Variants in FAM186A observed in about 807,000 individuals in gnomAD.
FAM186A encodes family with sequence similarity 186 member A, also known as protein FAM186A.
A neutral mutation model predicts 216.8 loss-of-function variants in FAM186A; 163 were observed. The observed-to-expected ratio is 0.75, with a 90% CI of 0.66 to 0.86. The LOEUF (loss-of-function observed/expected upper bound fraction) is 0.86. FAM186A is among the 40% of genes least tolerant of loss of function. FAM186A has a pLI of 0.00. For synonymous variants in FAM186A, 805 were observed against 1,025.3 expected (o/e 0.79, Z 4.10); for missense variants, 2,184 against 2,746.2 (o/e 0.80, Z 4.58).
intron 4 of FAM186A, among the ~76,000 whole-genome samples, chr12:50,341,599 G>T (rs993338400): frequency 4.6e-5 from 7 of 152,158 alleles, no homozygotes; most frequent in Non-Finnish European, 2.9e-5. Flanking sequence ...CACTTTGGGA[G>T]GCCAAGGTGG....
intron 1 of FAM186A, among the ~76,000 whole-genome samples, chr12:50,365,158 C>CAAGAAAAT (rs1943076159): frequency 6.6e-6 from 1 of 151,714 alleles, no homozygotes; most frequent in Admixed American, 6.6e-5. Context: ...AAAATTTCTC[C>CAAGAAAAT]AAGAAAATTT....
At chr12:50,368,367 T>TC (rs963309860) in intron 1 of FAM186A, among the ~76,000 whole-genome samples, 3 of 151,908 alleles carry the variant, frequency 2.0e-5, no homozygotes, top group African/African-American at 7.3e-5. Flanking sequence ...GCCACTGCAT[T>TC]CCAGCCTGGG....
chr12:50,341,488 CA>C (rs1276879842), intron 4 of FAM186A, among the ~76,000 whole-genome samples: 5 of 152,110 alleles, frequency 3.3e-5, no homozygotes, highest in African/African-American at 7.2e-5. Context: ...TGAGACAGGT[CA>C]GATTATGCTA....
At chr12:50,346,249 G>GAAAGAAAGAAAGAAAGAAAGAAAT (rs1592603875) in intron 4 of FAM186A, among the ~76,000 whole-genome samples, 3 of 149,920 alleles carry the variant, frequency 2.0e-5, no homozygotes, top group Non-Finnish European at 3.0e-5. Flanking sequence ...AAGAAAGAAA[G>GAAAGAAAGAAAGAAAGAAAGAAAT]AAAGAAAGAA....
In FAM186A at chr12:50,351,896, C is replaced by T. The variant is rs1329935959; in HGVS notation, c.4936G>A (p.Ala1646Thr). Residue 1646 changes from alanine (A) to threonine (T), a missense_variant, in exon 4 of 8, where the codon GCA becomes ACA. Ala to Thr is a moderately conservative substitution (Grantham distance 58). Transcript: ENST00000327337. ...GITLTPQQAQ[A>T]LGVPITPVNA... is the part of the protein sequence containing the mutation. ...ACTGGGGTGATGGGGACTCCCAGTG[C>T]CTGGGCCTGCTGAGGGGTGAGAGTG... 4 of 1,540,714 alleles carry T rather than the reference C, an allele frequency of 2.6e-6. No homozygotes were observed. The highest frequency in any genetic ancestry group is 1.4e-5 in the African/African-American group (1 of 72,546).
intron 6 of FAM186A, among the ~76,000 whole-genome samples, chr12:50,331,384 C>T (rs1241427736): frequency 6.6e-6 from 1 of 152,124 alleles, no homozygotes; most frequent in Non-Finnish European, 1.5e-5. Context: ...GGATTACAGG[C>T]ATGCACCACT....
At chr12:50,388,415 C>T (rs10876030) in intron 1 of FAM186A, among the ~76,000 whole-genome samples, 105,695 of 151,946 alleles carry the variant, frequency 0.7, 43,782 homozygotes, top group Non-Finnish European at 0.93. Context: ...GTCAGGAGTT[C>T]GAGACTAGCC....
chr12:50,387,758 T>C (rs941824347), intron 1 of FAM186A, among the ~76,000 whole-genome samples: 13 of 152,338 alleles, frequency 8.5e-5, no homozygotes, highest in Admixed American at 7.8e-4. Flanking sequence ...AATCGCCCTC[T>C]TGAACATGTC....
intron 1 of FAM186A, among the ~76,000 whole-genome samples, chr12:50,367,787 C>T (rs894106090): frequency 2.0e-5 from 3 of 152,058 alleles, no homozygotes; most frequent in Non-Finnish European, 4.4e-5. Context: ...ACTTTGCTAA[C>T]TACACTAACA....
chr12:50,359,573 T>C (rs532111650), intron 3 of FAM186A, among the ~76,000 whole-genome samples: 2 of 151,942 alleles, frequency 1.3e-5, no homozygotes, highest in South Asian at 4.2e-4. Flanking sequence ...CCTAGCTATC[T>C]ACCCCCCCAA....
intron 1 of FAM186A, among the ~76,000 whole-genome samples, chr12:50,383,934 A>C (rs1360575631): frequency 6.6e-6 from 1 of 152,094 alleles, no homozygotes; most frequent in Non-Finnish European, 1.5e-5. Context: ...CCTGGCTAAC[A>C]TGGTGAGACC....
chr12:50,375,943 A>G (rs1171241409), intron 1 of FAM186A, among the ~76,000 whole-genome samples: 1 of 151,946 alleles, frequency 6.6e-6, no homozygotes, highest in Non-Finnish European at 1.5e-5. Flanking sequence ...TGAGCCAGGC[A>G]TGGAGCACCG....
At position 50,338,068 on chromosome 12, in the gene FAM186A, C is replaced by T. The variant is rs754822962; in HGVS notation, c.6504-3965G>A. Among the ~76,000 whole-genome samples, 3 of 152,056 alleles carry T rather than the reference C, an allele frequency of 2.0e-5. 1 individual carries two copies. Among genetic ancestry groups the T allele is most frequent in the Non-Finnish European group, 4.4e-5 (3 of 68,014 alleles). ...CACTTACGTTGATAAAACATTGCCC[C>T]GTCCTAAGGAATATTGATTTTTAGA... is the stretch of plus-strand genomic sequence containing the variant. On this transcript the variant is annotated intron_variant, in intron 4 of 7. Transcript: ENST00000327337.
At chr12:50,369,055 T>TA (rs1263748218) in intron 1 of FAM186A, among the ~76,000 whole-genome samples, 1 of 150,350 alleles carries the variant, frequency 6.7e-6, no homozygotes, top group Non-Finnish European at 1.5e-5. Context: ...TTATATCATA[T>TA]AAAAAATTAA....
intron 1 of FAM186A, among the ~76,000 whole-genome samples, chr12:50,382,134 G>A (rs79865322): frequency 0.01 from 1,555 of 150,998 alleles, 29 homozygotes; most frequent in African/African-American, 0.036. Context: ...GTTAACAGAT[G>A]ACATGTTACT....
chr12:50,389,150 G>A (rs189265129), intron 1 of FAM186A, among the ~76,000 whole-genome samples: 10 of 152,164 alleles, frequency 6.6e-5, no homozygotes, highest in Admixed American at 5.3e-4. Context: ...AGGAACACTT[G>A]ACTTCAAGAG....
intron 1 of FAM186A, among the ~76,000 whole-genome samples, chr12:50,372,916 A>G (rs1376394058): frequency 1.4e-5 from 2 of 147,874 alleles, no homozygotes; most frequent in Admixed American, 1.4e-4. Context: ...AAAAAAAAAA[A>G]AGAAAAAAGA....
intron 1 of FAM186A, among the ~76,000 whole-genome samples, chr12:50,373,018 A>G (rs1218117729): frequency 0.025 from 3,364 of 136,682 alleles, 124 homozygotes; most frequent in Admixed American, 0.037. Flanking sequence ...AAAGAAAGAA[A>G]GAAAGAAAGA....
chr12:50,388,874 G>A (rs1306590448), intron 1 of FAM186A, among the ~76,000 whole-genome samples: 1 of 151,640 alleles, frequency 6.6e-6, no homozygotes, highest in Non-Finnish European at 1.5e-5. Flanking sequence ...CCAACATGGA[G>A]AAACCCCATT....
Sources: allele counts gnomAD v4.1 joint callset (sites outside exome capture counted in the v4.1 genomes callset), GRCh38; gene constraint gnomAD v4.1.1; transcripts MANE v1.5; gene names NCBI Gene and HGNC (gene_info 2026-07-23, HGNC 2026-07-21).